The following PSMD14 variants were observed in gnomAD, a reference collection of about 807,000 sequenced individuals.
The protein encoded by PSMD14 is proteasome 26S subunit, non-ATPase 14, also known as ubiquitin C-terminal hydrolase PSMD14.
Under a neutral mutation model 41.2 loss-of-function variants are expected in PSMD14, and 7 were observed. The ratio of observed to expected loss-of-function variants is 0.17; its 90% CI spans 0.10 to 0.32. The LOEUF is 0.32. PSMD14 is among the 10% of genes least tolerant of loss of function. The pLI is 1.00. For missense variants in PSMD14, 139 were observed against 375.6 expected (o/e 0.37, Z 5.21); for synonymous variants, 114 against 122.3 (o/e 0.93, Z 0.45).
intron 3 of PSMD14, among the ~76,000 whole-genome samples, chr2:161,328,070 A>G (rs1682729069): frequency 2.6e-5 from 4 of 151,842 alleles, no homozygotes; most frequent in Admixed American, 6.6e-5. Context: ...TGGACACACC[A>G]TATGTGGTAA....
At chr2:161,341,397 T>G (rs957818656) in intron 3 of PSMD14, 2 of 679,858 alleles carry the variant, frequency 2.9e-6, no homozygotes, top group African/African-American at 3.9e-5. Flanking sequence ...CCTTTGTTAA[T>G]GAATTTTATG....
chr2:161,346,881 G>A (rs1306097456), intron 3 of PSMD14, among the ~76,000 whole-genome samples: 1 of 152,024 alleles, frequency 6.6e-6, no homozygotes, highest in African/African-American at 2.4e-5. Flanking sequence ...CCCAGACCAT[G>A]CATTGATTCC....
intron 1 of PSMD14, among the ~76,000 whole-genome samples, chr2:161,313,361 T>A (rs772233562): frequency 7.2e-5 from 11 of 152,168 alleles, no homozygotes; most frequent in East Asian, 3.8e-4. Flanking sequence ...TTAATTTATT[T>A]ATTTTTGAGA....
chr2:161,395,299 G>A, intron 10 of PSMD14, 96 bp downstream of exon 10: 3 of 1,153,292 alleles, frequency 2.6e-6, no homozygotes, highest in Non-Finnish European at 1.2e-6. Flanking sequence ...AGAGAATCCT[G>A]TTTTGTAAAT....
intron 3 of PSMD14, among the ~76,000 whole-genome samples, chr2:161,332,276 A>G (rs1369132736): frequency 2.0e-5 from 3 of 152,238 alleles, no homozygotes; most frequent in Non-Finnish European, 2.9e-5. Flanking sequence ...TACAAATAGT[A>G]CAACTTTTAA....
chr2:161,375,681 AC>A (rs1359124699), intron 7 of PSMD14, among the ~76,000 whole-genome samples: 1 of 151,964 alleles, frequency 6.6e-6, no homozygotes, highest in Non-Finnish European at 1.5e-5. Context: ...TGTTTAAACA[AC>A]TAGCATTTTA....
At chr2:161,331,719 G>T (rs965770371) in intron 3 of PSMD14, among the ~76,000 whole-genome samples, 1 of 152,072 alleles carries the variant, frequency 6.6e-6, no homozygotes, top group African/African-American at 2.4e-5. Context: ...TCTATAAAGA[G>T]AACCCACATA....
intron 3 of PSMD14, among the ~76,000 whole-genome samples, chr2:161,332,558 A>C (rs1682809817): frequency 6.6e-6 from 1 of 152,234 alleles, no homozygotes; most frequent in Admixed American, 6.5e-5. Flanking sequence ...ATTGTTGATC[A>C]GATGGGTTAG....
intron 3 of PSMD14, among the ~76,000 whole-genome samples, chr2:161,332,755 C>T (rs1468586115): frequency 2.0e-5 from 3 of 152,166 alleles, no homozygotes; most frequent in Non-Finnish European, 2.9e-5. Flanking sequence ...GGGAGACCTG[C>T]CACTGATGAA....
intron 7 of PSMD14, chr2:161,384,359 AG>A: frequency 6.6e-6 from 1 of 151,698 alleles, no homozygotes; most frequent in Non-Finnish European, 1.5e-5. Flanking sequence ...TTTAGCATAC[AG>A]CATACAGTAA....
chr2:161,385,529 A>G lies in PSMD14; in HGVS notation c.528A>G (p.Gln176=). The G allele has an allele frequency of 3.7e-6, 6 of 1,609,224 alleles. No homozygotes were observed. The highest frequency in any genetic ancestry group is 5.1e-6 in the Non-Finnish European group (6 of 1,176,606). Residue 176 remains glutamine, a synonymous_variant, in exon 8 of 12, where the codon CAA becomes CAG. Transcript: ENST00000409682. Reference sequence around the variant, plus strand: ...TGGTCTTAGGACATGAACCAAGACAAACAACTTCGAATCTGGGTCACTTAA... The same window carrying G: ...TGGTCTTAGGACATGAACCAAGACAGACAACTTCGAATCTGGGTCACTTAA... The part of the protein sequence containing the change: ...NMMVLGHEPR[Q]TTSNLGHLNK...
At chr2:161,360,554 C>T (rs756521184) in intron 3 of PSMD14, among the ~76,000 whole-genome samples, 7 of 151,898 alleles carry the variant, frequency 4.6e-5, no homozygotes, top group Non-Finnish European at 8.8e-5. Flanking sequence ...GGGGTTTCGC[C>T]ATGTTGGCCA....
chr2:161,346,064 G>A (rs1191797503), intron 3 of PSMD14, among the ~76,000 whole-genome samples: 1 of 151,994 alleles, frequency 6.6e-6, no homozygotes, highest in Non-Finnish European at 1.5e-5. Context: ...TGTATTTTTA[G>A]AAGACAGAGG....
chr2:161,376,553 CCTT>C (rs1426017233), intron 7 of PSMD14, among the ~76,000 whole-genome samples: 1 of 151,792 alleles, frequency 6.6e-6, no homozygotes, highest in Admixed American at 6.6e-5. Context: ...TGAAGACTTC[CCTT>C]CTTATATTTT....
At chr2:161,359,031 C>T (rs760494848) in intron 3 of PSMD14, among the ~76,000 whole-genome samples, 1 of 152,186 alleles carries the variant, frequency 6.6e-6, no homozygotes, top group Non-Finnish European at 1.5e-5. Flanking sequence ...TGCAGTGACA[C>T]AATCACAGCT....
At chr2:161,405,345 A>G (rs1483011113) in intron 10 of PSMD14, among the ~76,000 whole-genome samples, 1 of 152,086 alleles carries the variant, frequency 6.6e-6, no homozygotes, top group Non-Finnish European at 1.5e-5. Flanking sequence ...CTTAACCCCT[A>G]TGTCCCCATC....
chr2:161,359,812 A>C (rs903140002), intron 3 of PSMD14, among the ~76,000 whole-genome samples: 2 of 152,220 alleles, frequency 1.3e-5, no homozygotes, highest in Non-Finnish European at 2.9e-5. Context: ...TGAAAATGGG[A>C]TGGCGTACTG....
At chr2:161,364,713 C>G (rs1034331023) in intron 3 of PSMD14, among the ~76,000 whole-genome samples, 2 of 152,070 alleles carry the variant, frequency 1.3e-5, no homozygotes, top group African/African-American at 4.8e-5. Flanking sequence ...TATGCGATTT[C>G]TCTCTCTCTC....
chr2:161,339,928 C>T (rs1682925860), intron 3 of PSMD14, among the ~76,000 whole-genome samples: 1 of 152,244 alleles, frequency 6.6e-6, no homozygotes, highest in Admixed American at 6.5e-5. Flanking sequence ...AATGTTTTAA[C>T]CAACAAACCT....
Sources: allele counts gnomAD v4.1 joint callset (sites outside exome capture counted in the v4.1 genomes callset), GRCh38; gene constraint gnomAD v4.1.1; transcripts MANE v1.5; gene names NCBI Gene and HGNC (gene_info 2026-07-23, HGNC 2026-07-21).